Variants in UVRAG observed in about 807,000 individuals in gnomAD.
The protein encoded by UVRAG is UV radiation resistance-associated gene protein.
In UVRAG, 19 loss-of-function variants were observed where a neutral mutation model predicts 78.0. That is an observed-to-expected ratio of 0.24 (90% CI 0.17 to 0.36). The LOEUF (loss-of-function observed/expected upper bound fraction) is 0.36. UVRAG is among the 10% of genes least tolerant of loss of function. The pLI, the probability that UVRAG is intolerant of heterozygous loss-of-function variation, is 1.00. For synonymous variants in UVRAG, 323 were observed against 324.6 expected (o/e 1.00, Z 0.05); for missense variants, 740 against 853.8 (o/e 0.87, Z 1.66).
intron 6 of UVRAG, among the ~76,000 whole-genome samples, chr11:75,950,282 CAG>C (rs1948665538): frequency 6.6e-6 from 1 of 152,138 alleles, no homozygotes; most frequent in South Asian, 2.1e-4. Flanking sequence ...ATTTTAGAGA[CAG>C]GGACTCATTC....
intron 12 of UVRAG, among the ~76,000 whole-genome samples, chr11:76,032,641 G>A (rs1400650359): frequency 2.0e-5 from 3 of 152,182 alleles, no homozygotes; most frequent in Admixed American, 1.3e-4. Context: ...TAAGACCCAT[G>A]CTAGAGATCA....
At chr11:76,003,886 C>A in intron 8 of UVRAG, 119 bp from the exon 9 acceptor site, 2 of 909,302 alleles carry the variant, frequency 2.2e-6, no homozygotes, top group South Asian at 1.4e-5. Flanking sequence ...TGTACTCAAC[C>A]CACTTTCCCT....
At chr11:76,138,666 A>G (rs1013057718) in intron 14 of UVRAG, among the ~76,000 whole-genome samples, 1 of 152,220 alleles carries the variant, frequency 6.6e-6, no homozygotes, top group Non-Finnish European at 1.5e-5. Context: ...ATGGCAGCGC[A>G]GGGTCACAGC....
intron 6 of UVRAG, among the ~76,000 whole-genome samples, chr11:75,961,084 A>G (rs1948900762): frequency 1.3e-5 from 2 of 148,206 alleles, no homozygotes; most frequent in Non-Finnish European, 1.5e-5. Flanking sequence ...GAGTGGTGAT[A>G]CTCTCTCGGT....
At chr11:75,875,802 C>A (rs1946761749) in intron 3 of UVRAG, among the ~76,000 whole-genome samples, 1 of 152,048 alleles carries the variant, frequency 6.6e-6, no homozygotes, top group African/African-American at 2.4e-5. Context: ...TTGTGGTCCT[C>A]AGTGTGGAGA....
At chr11:75,929,201 G>T (rs899632203) in intron 6 of UVRAG, among the ~76,000 whole-genome samples, 1 of 152,160 alleles carries the variant, frequency 6.6e-6, no homozygotes, top group African/African-American at 2.4e-5. Context: ...CTTTGCAGTT[G>T]AGAATTTTAT....
At chr11:75,987,786 G>A (rs1421759923) in intron 8 of UVRAG, among the ~76,000 whole-genome samples, 1 of 151,838 alleles carries the variant, frequency 6.6e-6, no homozygotes, top group Non-Finnish European at 1.5e-5. Context: ...TCCCAGACTG[G>A]AGTAAAATGG....
At position 76,141,209 on chromosome 11, in the gene UVRAG, A is replaced by G. The variant is rs1400590718; in HGVS notation, c.1896A>G (p.Ala632=). The G allele has an allele frequency of 6.2e-7, 1 of 1,614,162 alleles. No homozygotes were observed. Among genetic ancestry groups the G allele is most frequent in the East Asian group, 2.2e-5 (1 of 44,868 alleles). The change falls in exon 15 of 15, where the codon GCA becomes GCG. Residue 632 remains alanine (A), a synonymous_variant. Transcript: ENST00000356136. ...EAELCCTVEQ[A]EEIIGLEATG... ...AGCTCTGCTGTACTGTGGAGCAAGC[A>G]GAAGAAATCATCGGGCTGGAAGCCA...
rs1254219354 is a variant in UVRAG, at chr11:76,089,189, G to T, written c.1305+23401G>T. ...CTTTGCTTGTGTCTAGGAAGATAAT[G>T]CAGGGCTTTGAGAAGTGGGGTGAGA... is the stretch of plus-strand genomic sequence containing the variant. On this transcript the variant is annotated intron_variant, in intron 13 of 14. Transcript: ENST00000356136. Among the ~76,000 whole-genome samples, 3 of 152,130 alleles carry T rather than the reference G, an allele frequency of 2.0e-5. 1 individual carries two copies. The highest frequency in any genetic ancestry group is 7.2e-5 in the African/African-American group (3 of 41,438).
chr11:76,116,882 G>A (rs1952191736), intron 14 of UVRAG, among the ~76,000 whole-genome samples: 1 of 152,174 alleles, frequency 6.6e-6, no homozygotes, highest in African/African-American at 2.4e-5. Context: ...ACTGTGGTTG[G>A]TCTTTACTTT....
At chr11:76,084,433 A>G (rs1472976998) in intron 13 of UVRAG, among the ~76,000 whole-genome samples, 1 of 152,144 alleles carries the variant, frequency 6.6e-6, no homozygotes, top group Non-Finnish European at 1.5e-5. Context: ...AAGCAAAGAC[A>G]TTTATTATCA....
intron 13 of UVRAG, among the ~76,000 whole-genome samples, chr11:76,111,530 C>T (rs1952066425): frequency 6.6e-6 from 1 of 152,150 alleles, no homozygotes; most frequent in Non-Finnish European, 1.5e-5. Flanking sequence ...GCTTGATATA[C>T]TGGGAACAAG....
chr11:76,051,635 TC>T (rs1481216855), intron 12 of UVRAG, among the ~76,000 whole-genome samples: 1 of 152,198 alleles, frequency 6.6e-6, no homozygotes, highest in Admixed American at 6.5e-5. Flanking sequence ...GAAATTCCAT[TC>T]TTTTTTTAGT....
At chr11:75,992,590 GA>G (rs908152643) in intron 8 of UVRAG, among the ~76,000 whole-genome samples, 1 of 152,154 alleles carries the variant, frequency 6.6e-6, no homozygotes, top group Non-Finnish European at 1.5e-5. Context: ...GAGTGGGAAA[GA>G]GGGGGATGGC....
At chr11:76,001,731 G>C (rs1337464947) in intron 8 of UVRAG, among the ~76,000 whole-genome samples, 1 of 152,028 alleles carries the variant, frequency 6.6e-6, no homozygotes, top group Non-Finnish European at 1.5e-5. Flanking sequence ...GTTGAATCTG[G>C]GATCACTTAA....
chr11:75,947,260 G>A (rs962797661), intron 6 of UVRAG, among the ~76,000 whole-genome samples: 6 of 152,238 alleles, frequency 3.9e-5, no homozygotes, highest in East Asian at 3.9e-4. Context: ...GAACTGATAC[G>A]TGACCTTAAT....
intron 6 of UVRAG, among the ~76,000 whole-genome samples, chr11:75,931,309 A>T (rs1948236236): frequency 6.6e-6 from 1 of 152,078 alleles, no homozygotes; most frequent in Non-Finnish European, 1.5e-5. Context: ...AGGAGATTTT[A>T]GTCTAGTGTG....
intron 8 of UVRAG, among the ~76,000 whole-genome samples, chr11:75,999,671 G>A (rs557814329): frequency 8.5e-5 from 13 of 152,164 alleles, no homozygotes; most frequent in Admixed American, 2.0e-4. Flanking sequence ...GAGCCACCGT[G>A]CCCAGCCATA....
At chr11:75,997,651 T>C (rs1051390225) in intron 8 of UVRAG, among the ~76,000 whole-genome samples, 2 of 152,048 alleles carry the variant, frequency 1.3e-5, no homozygotes, top group African/African-American at 4.8e-5. Flanking sequence ...ATAGCAAAGG[T>C]TTTGGCACAG....
Sources: gnomAD v4.1 joint callset for allele counts (sites outside exome capture counted in the v4.1 genomes callset) on GRCh38, gnomAD v4.1.1 for gene constraint, MANE v1.5 for transcripts, NCBI Gene and HGNC (gene_info 2026-07-23, HGNC 2026-07-21) for gene names.